Variants in ADGB observed in about 807,000 individuals in gnomAD.
ADGB encodes the protein androglobin.
A neutral mutation model predicts 210.5 loss-of-function variants in ADGB; 172 were observed. That is an observed-to-expected ratio of 0.82 (90% confidence interval 0.72 to 0.93). The LOEUF (loss-of-function observed/expected upper bound fraction) is 0.93, where lower values mean the gene tolerates loss of function less well. Among genes scored for constraint, ADGB ranks in the 40% least tolerant of loss-of-function variants. The probability of loss-of-function intolerance (pLI) is 0.00; values close to 1 mark genes in which losing one functional copy is unlikely to be tolerated. For synonymous variants in ADGB, 658 were observed against 662.7 expected (o/e 0.99, Z 0.11); for missense variants, 2,025 against 1,964.8 (o/e 1.03, Z -0.58).
chr6:146,721,447 A>G lies in ADGB; in HGVS notation c.2037A>G (p.Leu679=). The stretch of plus-strand genomic sequence containing the variant: ...CCTACTATCTATTTGTAGATAGTCT[A>G]AAACCTATTGAACTACTGGTTTGCT... ...RVSYYLFVDS[L]KPIELLVCFS... The change falls in exon 17 of 36, where the codon CTA becomes CTG. Residue 679 remains leucine, a synonymous_variant. Coordinates refer to ENST00000397944, the MANE Select transcript of ADGB (RefSeq NM_024694.4). The G allele has an allele frequency of 6.4e-7, 1 of 1,551,356 alleles. No individual in the cohort carries two copies. Among genetic ancestry groups the G allele is most frequent in the Non-Finnish European group, 8.7e-7 (1 of 1,146,688 alleles).
intron 20 of ADGB, among the ~76,000 whole-genome samples, 156 bp downstream of exon 20, chr6:146,728,897 G>A (rs1233645759): frequency 6.6e-6 from 1 of 152,176 alleles, no homozygotes; most frequent in Non-Finnish European, 1.5e-5. Flanking sequence ...AAATGAGGGA[G>A]TAAAAAGAAT....
In ADGB at chr6:146,732,506, G is replaced by T. The variant is rs1300948627; in HGVS notation, c.2521-614G>T. Among the ~76,000 whole-genome samples the T allele has an allele frequency of 2.6e-5, 4 of 151,818 alleles. No individual in the cohort carries two copies. In the East Asian group the frequency reaches 7.7e-4, roughly 29 times the overall value. ...CAAGATTACTCCTCACGGGCTCAAT[G>T]TAGCTGGCCCTGATTTAATATGTAA... On this transcript the variant is annotated intron_variant, in intron 20 of 35. Transcript: ENST00000397944.
chr6:146,600,911 A>T (rs1780545353), intron 1 of ADGB, among the ~76,000 whole-genome samples: 1 of 136,098 alleles, frequency 7.3e-6, no homozygotes, highest in Non-Finnish European at 1.6e-5. Flanking sequence ...TTTTGAGTAC[A>T]CCCCTCCCCC....
intron 2 of ADGB, among the ~76,000 whole-genome samples, chr6:146,642,335 A>G (rs1775529168): frequency 6.6e-6 from 1 of 152,012 alleles, no homozygotes; most frequent in African/African-American, 2.4e-5. Context: ...TCAATTCCTC[A>G]AAGAGGTATA....
intron 33 of ADGB, among the ~76,000 whole-genome samples, chr6:146,798,875 A>T (rs1778082640): frequency 6.6e-6 from 1 of 152,062 alleles, no homozygotes; most frequent in South Asian, 2.1e-4. Context: ...ACTACAAAAC[A>T]TCACCAAAGG....
chr6:146,712,125 T>C (rs1465949482), intron 13 of ADGB, among the ~76,000 whole-genome samples: 2 of 152,122 alleles, frequency 1.3e-5, no homozygotes, highest in Non-Finnish European at 2.9e-5. Context: ...TAGGACCTTC[T>C]TTCCATTCTT....
chr6:146,628,412 T>C (rs1173483884), intron 1 of ADGB, among the ~76,000 whole-genome samples: 1 of 151,970 alleles, frequency 6.6e-6, no homozygotes, highest in Admixed American at 6.6e-5. Flanking sequence ...GAAACACCAG[T>C]AAATATTAAA....
chr6:146,677,396 T>G (rs766252545), intron 9 of ADGB, among the ~76,000 whole-genome samples: 3 of 152,172 alleles, frequency 2.0e-5, no homozygotes, highest in Non-Finnish European at 4.4e-5. Context: ...TAATAAATTT[T>G]TATCTTTTTT....
chr6:146,726,415 G>A (rs141786513), intron 19 of ADGB, among the ~76,000 whole-genome samples: 2,182 of 152,080 alleles, frequency 0.014, 51 homozygotes, highest in African/African-American at 0.05. Flanking sequence ...ATTAGAGACG[G>A]GGTTTCACTA....
At chr6:146,614,632 C>T (rs1780763809) in intron 1 of ADGB, among the ~76,000 whole-genome samples, 1 of 152,020 alleles carries the variant, frequency 6.6e-6, no homozygotes, top group African/African-American at 2.4e-5. Flanking sequence ...TAAATGCATA[C>T]AATGTGTAAT....
At position 146,664,351 on chromosome 6, in the gene ADGB, A is replaced by G; in HGVS notation, c.752+11A>G. Reference sequence around the variant, plus strand: ...GCTGGCAAATATTGAGTATGTAATGACACTATCACTCACATGAATAAAAAA... The same window carrying G: ...GCTGGCAAATATTGAGTATGTAATGGCACTATCACTCACATGAATAAAAAA... On this transcript the variant is annotated intron_variant, in intron 6 of 35. Transcript: ENST00000397944. 6.5e-7 allele frequency: 1 copy of G among 1,541,142 alleles called. No homozygotes were observed. The highest frequency in any genetic ancestry group is 2.5e-5 in the East Asian group (1 of 40,612).
chr6:146,780,022 GATC>G (rs1237296462), intron 29 of ADGB, among the ~76,000 whole-genome samples: 1 of 151,822 alleles, frequency 6.6e-6, no homozygotes, highest in Admixed American at 6.6e-5. Flanking sequence ...TTAAAGCAAT[GATC>G]ATAAGTCTGT....
rs1230462423 is a variant in ADGB, at chr6:146,691,474, AT to A, written c.1486+185del. ...TATATATATAAAAATATATATATAT[AT>A]AAATATATATATATATATATATATA... On this transcript the variant is annotated intron_variant, in intron 11 of 35. Coordinates refer to ENST00000397944, the MANE Select transcript of ADGB (RefSeq NM_024694.4). 5.6e-4 allele frequency among the ~76,000 whole-genome samples: 29 copies of A among 52,062 alleles called. 1 individual carries two copies. Among genetic ancestry groups the A allele is most frequent in the Admixed American group, 5.8e-4 (2 of 3,458 alleles). 34.2% of individuals were successfully genotyped at this position (52,062 alleles called of 152,430 possible). A position where few individuals can be genotyped will look rare whatever the true frequency, so the allele number is the denominator to read the frequency against.
chr6:146,721,838 CA>C (rs1049814178), intron 17 of ADGB, among the ~76,000 whole-genome samples: 1 of 151,444 alleles, frequency 6.6e-6, no homozygotes, highest in Non-Finnish European at 1.5e-5. Flanking sequence ...AACTCTCTCT[CA>C]AAAAAAATAA....
At chr6:146,731,419 C>T (rs1380575168) in intron 20 of ADGB, among the ~76,000 whole-genome samples, 1 of 151,038 alleles carries the variant, frequency 6.6e-6, no homozygotes, top group Non-Finnish European at 1.5e-5. Context: ...AATCCGTATT[C>T]AACACCTGTC....
At chr6:146,624,280 C>G (rs1028168022) in intron 1 of ADGB, among the ~76,000 whole-genome samples, 1 of 151,652 alleles carries the variant, frequency 6.6e-6, no homozygotes, top group African/African-American at 2.4e-5. Context: ...TATCTCCAAT[C>G]CAATTTATTT....
intron 6 of ADGB, among the ~76,000 whole-genome samples, chr6:146,665,396 T>C (rs963297861): frequency 6.6e-6 from 1 of 152,082 alleles, no homozygotes; most frequent in Non-Finnish European, 1.5e-5. Flanking sequence ...TTTTAGCACT[T>C]AATTGCAATG....
intron 2 of ADGB, 85 bp downstream of exon 2, chr6:146,635,622 ATTCT>A (rs1775408646): frequency 2.3e-6 from 3 of 1,329,936 alleles, no homozygotes; most frequent in Non-Finnish European, 2.0e-6. Context: ...AAAGGTATTC[ATTCT>A]TCTCCATAAT....
chr6:146,726,156 G>T lies in ADGB; in HGVS notation c.2311G>T (p.Val771Phe). 3 of 1,550,132 alleles carry T rather than the reference G, an allele frequency of 1.9e-6. No individual in the cohort carries two copies. The highest frequency in any genetic ancestry group is 2.6e-6 in the Non-Finnish European group (3 of 1,145,428). Residue 771 changes from valine to phenylalanine, a missense_variant, in exon 19 of 36, where the codon GTC becomes TTC. Coordinates refer to ENST00000397944, the MANE Select transcript of ADGB (RefSeq NM_024694.4). ...SIHICSMVSF[V>F]IGDEHVVLPN... ...ACACATCTGCAGCATGGTGTCATTT[G>T]TCATTGGGGATGAACACGTTGTACT... is the stretch of plus-strand genomic sequence containing the variant.
Sources: gnomAD v4.1 joint callset for allele counts (sites outside exome capture counted in the v4.1 genomes callset) on GRCh38, gnomAD v4.1.1 for gene constraint, MANE v1.5 for transcripts, NCBI Gene and HGNC (gene_info 2026-07-23, HGNC 2026-07-21) for gene names.